Variants in CERKL observed in about 807,000 individuals in gnomAD.
CERKL encodes the protein ceramide kinase-like protein.
CERKL carries 61 observed loss-of-function variants against 63.4 expected under a neutral mutation model. The observed-to-expected ratio is 0.96, with a 90% CI of 0.78 to 1.19. The LOEUF is 1.19. Among genes scored for constraint, CERKL ranks in the 50% most tolerant of loss-of-function variants. The pLI, the probability that CERKL is intolerant of heterozygous loss-of-function variation, is 0.00. For synonymous variants in CERKL, 250 were observed against 230.5 expected (o/e 1.08, Z -0.77); for missense variants, 675 against 655.5 (o/e 1.03, Z -0.33).
At chr2:181,583,981 T>C (rs528528591) in intron 2 of CERKL, among the ~76,000 whole-genome samples, 4 of 152,324 alleles carry the variant, frequency 2.6e-5, no homozygotes, top group East Asian at 1.9e-4. Flanking sequence ...CTGAAAAATA[T>C]CTATTTTTAG....
intron 2 of CERKL, among the ~76,000 whole-genome samples, chr2:181,580,951 C>T (rs1455122994): frequency 6.6e-6 from 1 of 152,084 alleles, no homozygotes; most frequent in African/African-American, 2.4e-5. Flanking sequence ...TTTAGATTTC[C>T]TATGTCTTCT....
intron 1 of CERKL, among the ~76,000 whole-genome samples, chr2:181,627,410 G>A (rs1261272599): frequency 6.6e-6 from 1 of 152,152 alleles, no homozygotes; most frequent in East Asian, 1.9e-4. Flanking sequence ...TGAAATAAGA[G>A]CAAGAAGAAA....
At position 181,609,533 on chromosome 2, in the gene CERKL, T is replaced by TAAAAAAAAAAAA. The variant is rs869037405; in HGVS notation, c.239-5466_239-5455dup. ...CACCATGGTGAAACCCTGTCTCTACTAAAAAAAAAAAAAAAAAAAAAAATT... is the reference window on the plus strand; with the variant it reads ...CACCATGGTGAAACCCTGTCTCTACTAAAAAAAAAAAAAAAAAAAAAAAAAAAAAAAAAAATT... On this transcript the variant is annotated intron_variant, in intron 1 of 12. Coordinates refer to ENST00000410087, the MANE Select transcript of CERKL (RefSeq NM_201548.5). 1.7e-3 allele frequency among the ~76,000 whole-genome samples: 121 copies of TAAAAAAAAAAAA among 70,200 alleles called. 5 individuals carry two copies. The highest frequency in any genetic ancestry group is 4.3e-3 in the African/African-American group (91 of 21,084). 46.1% of individuals were successfully genotyped at this position (70,200 alleles called of 152,430 possible).
chr2:181,562,395 C>A (rs957427277), intron 4 of CERKL, among the ~76,000 whole-genome samples: 2 of 152,114 alleles, frequency 1.3e-5, no homozygotes, highest in African/African-American at 4.8e-5. Context: ...TCTCAGGACC[C>A]CCCTGGGGTT....
intron 1 of CERKL, 134 bp downstream of exon 1, chr2:181,656,635 G>A (rs1688169483): frequency 3.9e-6 from 3 of 770,152 alleles, no homozygotes; most frequent in Admixed American, 3.0e-5. Context: ...AACCTGTCCG[G>A]GCAGTGAGGC....
In CERKL at chr2:181,536,762, A is replaced by AAATACAATCAT; in HGVS notation, c.*1411_*1421dup. 1 of 247,420 alleles carries AAATACAATCAT rather than the reference A, an allele frequency of 4.0e-6. No individual in the cohort carries two copies. The highest frequency in any genetic ancestry group is 8.1e-6 in the Non-Finnish European group (1 of 122,902). 15.3% of individuals were successfully genotyped at this position (247,420 alleles called of 1,614,324 possible). On this transcript the variant is annotated 3_prime_UTR_variant, in exon 13 of 13. Transcript: ENST00000410087. ...TTTCTGGATTTTAAAAAATTTCTTT[A>AAATACAATCAT]AATACAATCATTTTTGTAATATTTA...
intron 2 of CERKL, among the ~76,000 whole-genome samples, chr2:181,599,535 T>TCAAAACAAAA (rs60448862): frequency 0.02 from 3,006 of 148,442 alleles, 109 homozygotes; most frequent in African/African-American, 0.067. Flanking sequence ...AGACTCCATC[T>TCAAAACAAAA]CAAAACAAAA....
intron 2 of CERKL, among the ~76,000 whole-genome samples, chr2:181,579,184 C>G (rs1201392821): frequency 3.3e-5 from 5 of 151,868 alleles, no homozygotes; most frequent in Non-Finnish European, 7.4e-5. Flanking sequence ...ATGTAAAGTG[C>G]TTAGAAAAGC....
At chr2:181,597,687 A>G (rs1685276881) in intron 2 of CERKL, among the ~76,000 whole-genome samples, 1 of 152,212 alleles carries the variant, frequency 6.6e-6, no homozygotes, top group Non-Finnish European at 1.5e-5. Context: ...CCCCTCAGAC[A>G]CAAACTGAGA....
intron 2 of CERKL, among the ~76,000 whole-genome samples, chr2:181,588,531 C>A (rs1684857574): frequency 6.6e-6 from 1 of 152,116 alleles, no homozygotes; most frequent in South Asian, 2.1e-4. Flanking sequence ...CTTATCTTGG[C>A]TATTGGGAAC....
intron 3 of CERKL, among the ~76,000 whole-genome samples, chr2:181,567,430 A>G (rs1688713976): frequency 6.6e-6 from 1 of 152,158 alleles, no homozygotes; most frequent in African/African-American, 2.4e-5. Context: ...TTCAGATCCA[A>G]TAATGAGCTT....
intron 1 of CERKL, among the ~76,000 whole-genome samples, chr2:181,656,386 C>G (rs570570805): frequency 6.6e-6 from 1 of 152,304 alleles, no homozygotes; most frequent in South Asian, 2.1e-4. Context: ...TGGATTAAAA[C>G]TTTTTCAACT....
intron 1 of CERKL, among the ~76,000 whole-genome samples, chr2:181,610,921 A>C (rs1393992986): frequency 1.3e-5 from 2 of 152,182 alleles, no homozygotes; most frequent in African/African-American, 4.8e-5. Context: ...TGCACAATTT[A>C]GCTAAAATAA....
At chr2:181,633,690 T>G (rs1399397265) in intron 1 of CERKL, among the ~76,000 whole-genome samples, 1 of 152,164 alleles carries the variant, frequency 6.6e-6, no homozygotes, top group Non-Finnish European at 1.5e-5. Flanking sequence ...AAATCTCAAT[T>G]GTTGCTTTTC....
intron 1 of CERKL, among the ~76,000 whole-genome samples, chr2:181,647,904 T>C (rs181806639): frequency 1.8e-4 from 28 of 152,226 alleles, no homozygotes; most frequent in Admixed American, 4.6e-4. Context: ...ATCTATCATT[T>C]AAAACACAGA....
chr2:181,633,783 A>G (rs1687064534), intron 1 of CERKL, among the ~76,000 whole-genome samples: 1 of 152,186 alleles, frequency 6.6e-6, no homozygotes, highest in Non-Finnish European at 1.5e-5. Context: ...AAATTTCTCT[A>G]GTCTCCATAA....
intron 4 of CERKL, among the ~76,000 whole-genome samples, chr2:181,559,736 T>C (rs17226931): frequency 6.6e-6 from 1 of 151,990 alleles, no homozygotes; most frequent in Non-Finnish European, 1.5e-5. Context: ...CAGTCAGCAG[T>C]AGTTACTGGT....
rs191230424 is a variant in CERKL, at chr2:181,559,544, G to T, written c.678-836C>A. On this transcript the variant is annotated intron_variant, in intron 4 of 12. Coordinates refer to ENST00000410087, the MANE Select transcript of CERKL (RefSeq NM_201548.5). ...GGAAGAGTAGGCTCAATCTAAAGGC[G>T]CAGCCACTTCTTTGCTGTGGCCCAC... 3.8e-3 allele frequency among the ~76,000 whole-genome samples: 575 copies of T among 152,286 alleles called. 4 individuals carry two copies. Among genetic ancestry groups the T allele is most frequent in the African/African-American group, 0.013 (534 of 41,556 alleles).
At chr2:181,545,277 A>T (rs1687671231) in intron 10 of CERKL, among the ~76,000 whole-genome samples, 1 of 152,218 alleles carries the variant, frequency 6.6e-6, no homozygotes, top group Non-Finnish European at 1.5e-5. Context: ...AATAAATCAA[A>T]GTGGCCTTTG....
Sources: gnomAD v4.1 joint callset for allele counts (sites outside exome capture counted in the v4.1 genomes callset) on GRCh38, gnomAD v4.1.1 for gene constraint, MANE v1.5 for transcripts, NCBI Gene and HGNC (gene_info 2026-07-23, HGNC 2026-07-21) for gene names.